The following RERE variants were observed in gnomAD, a reference collection of about 807,000 sequenced individuals.
RERE encodes arginine-glutamic acid dipeptide repeats.
A neutral mutation model predicts 146.1 loss-of-function variants in RERE; 40 were observed. The observed-to-expected ratio is 0.27, with a 90% CI of 0.21 to 0.36. RERE has a LOEUF of 0.36. Among genes scored for constraint, RERE ranks in the 10% least tolerant of loss-of-function variants. The pLI is 1.00. For missense variants in RERE, 1,933 were observed against 2,138.7 expected (o/e 0.90, Z 1.90); for synonymous variants, 1,003 against 866.0 (o/e 1.16, Z -2.78).
intron 2 of RERE, among the ~76,000 whole-genome samples, chr1:8,646,900 AG>A (rs1369225879): frequency 6.6e-6 from 1 of 152,154 alleles, no homozygotes; most frequent in Admixed American, 6.5e-5. Flanking sequence ...GTGGGCGGAT[AG>A]TGTGAGCCAA....
chr1:8,737,056 G>A (rs1640216228), intron 1 of RERE, among the ~76,000 whole-genome samples: 1 of 152,126 alleles, frequency 6.6e-6, no homozygotes, highest in Non-Finnish European at 1.5e-5. Context: ...AGACCTTTCA[G>A]GAGAATTTCT....
At chr1:8,726,760 C>G (rs1639977231) in intron 1 of RERE, among the ~76,000 whole-genome samples, 1 of 152,194 alleles carries the variant, frequency 6.6e-6, no homozygotes, top group Non-Finnish European at 1.5e-5. Flanking sequence ...TCATAAGACT[C>G]TTCTAATTAC....
At chr1:8,438,894 A>C (rs1644207175) in intron 11 of RERE, among the ~76,000 whole-genome samples, 1 of 152,248 alleles carries the variant, frequency 6.6e-6, no homozygotes, top group Non-Finnish European at 1.5e-5. Flanking sequence ...TGTTTACAAC[A>C]AAACTCTCTA....
chr1:8,719,115 T>C (rs1639813927), intron 1 of RERE, among the ~76,000 whole-genome samples: 1 of 152,204 alleles, frequency 6.6e-6, no homozygotes, highest in Non-Finnish European at 1.5e-5. Context: ...TCCTTGTTAC[T>C]ATCACTGCTA....
At chr1:8,610,561 C>T (rs1298659400) in intron 4 of RERE, among the ~76,000 whole-genome samples, 1 of 151,912 alleles carries the variant, frequency 6.6e-6, no homozygotes, top group Non-Finnish European at 1.5e-5. Flanking sequence ...GCACTCCAGA[C>T]GTTGCTCTGG....
At chr1:8,591,678 C>G (rs1173236006) in intron 4 of RERE, among the ~76,000 whole-genome samples, 1 of 152,180 alleles carries the variant, frequency 6.6e-6, no homozygotes, top group Non-Finnish European at 1.5e-5. Flanking sequence ...CTAGAATCCA[C>G]TTTTCTCTCC....
intron 6 of RERE, among the ~76,000 whole-genome samples, chr1:8,554,426 C>T (rs1387334507): frequency 6.6e-6 from 1 of 152,024 alleles, no homozygotes; most frequent in East Asian, 1.9e-4. Context: ...GTGGTTCACA[C>T]TTGCAATCCC....
At chr1:8,713,049 C>T (rs745625684) in intron 1 of RERE, among the ~76,000 whole-genome samples, 2 of 150,668 alleles carry the variant, frequency 1.3e-5, no homozygotes, top group Non-Finnish European at 1.5e-5. Flanking sequence ...GCACATTATC[C>T]TAAAATAAGA....
rs999554873 is a variant in RERE at position 8,440,896 on chromosome 1, C to CA, written c.1204-18090dup. On this transcript the variant is annotated intron_variant, in intron 11 of 22. Coordinates refer to ENST00000400908, the MANE Select transcript of RERE (RefSeq NM_001042681.2). ...TCGGTGACAGAGGGAGACTCCATCT[C>CA]AAAAAAAAAAAATAGAAAGTATGCC... is the stretch of plus-strand genomic sequence containing the variant. 5.3e-3 allele frequency among the ~76,000 whole-genome samples: 698 copies of CA among 131,904 alleles called. 2 individuals carry two copies. Among genetic ancestry groups the CA allele is most frequent in the African/African-American group, 0.012 (444 of 35,732 alleles). 86.5% of individuals were successfully genotyped at this position (131,904 alleles called of 152,430 possible).
intron 1 of RERE, among the ~76,000 whole-genome samples, chr1:8,784,170 C>T (rs1332310329): frequency 6.6e-6 from 1 of 152,220 alleles, no homozygotes; most frequent in East Asian, 1.9e-4. Context: ...GACCTTTCCA[C>T]TGACTATTCT....
At chr1:8,533,050 G>C (rs931642080) in intron 7 of RERE, among the ~76,000 whole-genome samples, 1 of 151,970 alleles carries the variant, frequency 6.6e-6, no homozygotes, top group Admixed American at 6.6e-5. Context: ...TTTTCTTTTC[G>C]GTCTAATGAG....
chr1:8,685,008 C>A (rs150584168), intron 1 of RERE, among the ~76,000 whole-genome samples: 61 of 152,062 alleles, frequency 4.0e-4, no homozygotes, highest in African/African-American at 1.3e-3. Flanking sequence ...CAGACACGTG[C>A]CACCACAGCC....
chr1:8,407,684 T>C (rs1643488217), intron 12 of RERE, among the ~76,000 whole-genome samples: 1 of 152,188 alleles, frequency 6.6e-6, no homozygotes, highest in African/African-American at 2.4e-5. Context: ...GCAGCCCCCG[T>C]AGACTTATGG....
At chr1:8,497,276 G>T in intron 9 of RERE, 129 bp downstream of exon 9, 2 of 943,896 alleles carry the variant, frequency 2.1e-6, no homozygotes, top group Non-Finnish European at 3.1e-6. Context: ...TACAGAGGGT[G>T]TAACCAAACT....
At chr1:8,714,505 T>C (rs560984665) in intron 1 of RERE, among the ~76,000 whole-genome samples, 1 of 152,278 alleles carries the variant, frequency 6.6e-6, no homozygotes, top group African/African-American at 2.4e-5. Flanking sequence ...AATAAAGACA[T>C]TTTCAGACAC....
intron 1 of RERE, among the ~76,000 whole-genome samples, chr1:8,794,844 T>C (rs1411841668): frequency 1.3e-5 from 2 of 152,010 alleles, no homozygotes; most frequent in African/African-American, 2.4e-5. Context: ...GGTGAGAGGA[T>C]GGCTGTCACC....
At chr1:8,598,706 C>A (rs1396607586) in intron 4 of RERE, among the ~76,000 whole-genome samples, 1 of 152,176 alleles carries the variant, frequency 6.6e-6, no homozygotes, top group Non-Finnish European at 1.5e-5. Context: ...CCCCTCCATG[C>A]CAGAGAAAAG....
intron 2 of RERE, among the ~76,000 whole-genome samples, chr1:8,638,788 T>A (rs977140403): frequency 8.2e-3 from 514 of 62,662 alleles, no homozygotes; most frequent in African/African-American, 0.036. Flanking sequence ...AAAAAATTTT[T>A]TTTTTTTTTT....
chr1:8,508,735 A>G, intron 7 of RERE, 60 bp from the exon 8 acceptor site: 1 of 1,352,110 alleles, frequency 7.4e-7, no homozygotes, highest in Non-Finnish European at 1.0e-6. Flanking sequence ...AAACATTCAC[A>G]CATTTTTCAA....
Sources: allele counts gnomAD v4.1 joint callset (sites outside exome capture counted in the v4.1 genomes callset), GRCh38; gene constraint gnomAD v4.1.1; transcripts MANE v1.5; gene names NCBI Gene and HGNC (gene_info 2026-07-23, HGNC 2026-07-21).